The following PDE9A variants were observed in gnomAD, a reference collection of about 807,000 sequenced individuals.
The protein encoded by PDE9A is high affinity cGMP-specific 3',5'-cyclic phosphodiesterase 9A.
A neutral mutation model predicts 87.4 loss-of-function variants in PDE9A; 60 were observed. The ratio of observed to expected loss-of-function variants is 0.69; its 90% confidence interval spans 0.56 to 0.85. PDE9A has a LOEUF of 0.85. Among genes scored for constraint, PDE9A ranks in the 40% least tolerant of loss-of-function variants. The probability of loss-of-function intolerance (pLI) is 0.00; values close to 1 mark genes in which losing one functional copy is unlikely to be tolerated. For missense variants in PDE9A, 665 were observed against 779.0 expected (o/e 0.85, Z 1.74); for synonymous variants, 272 against 279.4 (o/e 0.97, Z 0.27).
At chr21:42,745,644 T>C (rs374415621) in intron 8 of PDE9A, among the ~76,000 whole-genome samples, 1 of 152,236 alleles carries the variant, frequency 6.6e-6, no homozygotes, top group African/African-American at 2.4e-5. Context: ...TCTACGTGGC[T>C]TGGTTCAGCC....
rs904399160 is a variant in PDE9A, at chr21:42,704,223, G to A, written c.262+5212G>A. Among the ~76,000 whole-genome samples, 4 of 152,180 alleles carry A rather than the reference G, an allele frequency of 2.6e-5. No homozygotes were observed. Among genetic ancestry groups the A allele is most frequent in the South Asian group, 4.1e-4 (2 of 4,830 alleles). On this transcript the variant is annotated intron_variant, in intron 4 of 19. Transcript: ENST00000291539. The surrounding 1 kb of genome is among the most constrained non-coding windows in gnomAD (Gnocchi z 5.3). ...AGCCGAGGAGCGCTGCGCTTATTCCGCAGTGAGGAGTCGCTGGCTGTCCAG... is the reference window on the plus strand; with the variant it reads ...AGCCGAGGAGCGCTGCGCTTATTCCACAGTGAGGAGTCGCTGGCTGTCCAG...
In PDE9A at chr21:42,772,441, A is replaced by G; in HGVS notation, c.1689A>G (p.Leu563=). The change falls in exon 19 of 20, where the codon TTA becomes TTG. Residue 563 remains leucine (L), a splice_region_variant and synonymous_variant. Transcript: ENST00000291539. ...LKRIDDAMKE[L]QKKTDSLTSG... ...GCCTTCTCTGTACTCTGTTCCAGTT[A>G]CAGAAGAAGACTGACAGCTTGACGT... is the stretch of plus-strand genomic sequence containing the variant. 1 of 1,606,472 alleles carries G rather than the reference A, an allele frequency of 6.2e-7. No individual in the cohort carries two copies. The highest frequency in any genetic ancestry group is 8.5e-7 in the Non-Finnish European group (1 of 1,175,762).
At chr21:42,682,535 C>T (rs944588367) in intron 1 of PDE9A, among the ~76,000 whole-genome samples, 1 of 152,180 alleles carries the variant, frequency 6.6e-6, no homozygotes, top group Non-Finnish European at 1.5e-5. Flanking sequence ...GAAGCAAAAG[C>T]CTCTGTTGTT....
rs1413842899 is a variant in PDE9A, at chr21:42,759,767, ATG to A, written c.898-555_898-554del. On this transcript the variant is annotated intron_variant, in intron 11 of 19. Transcript: ENST00000291539. The surrounding 1 kb of genome is among the most constrained non-coding windows in gnomAD (Gnocchi z 7.2). ...ATCTGTGGATGTGAGGTGTGTGTGCATGTGTGTATCTGGATGTGGGGGTGTGT... is the reference window on the plus strand; with the variant it reads ...ATCTGTGGATGTGAGGTGTGTGTGCATGTGTATCTGGATGTGGGGGTGTGT... Among the ~76,000 whole-genome samples the A allele has an allele frequency of 7.0e-6, 1 of 142,016 alleles. No individual in the cohort carries two copies. The highest frequency in any genetic ancestry group is 1.5e-5 in the Non-Finnish European group (1 of 65,562). The allele number at this position is 142,016 out of a possible 152,430, so 93.2% of individuals were successfully genotyped here.
At chr21:42,699,624 C>T (rs1339090487) in intron 4 of PDE9A, among the ~76,000 whole-genome samples, 2 of 151,712 alleles carry the variant, frequency 1.3e-5, no homozygotes, top group African/African-American at 2.4e-5. Flanking sequence ...GGCACGATCT[C>T]GGCTCACTGC....
chr21:42,751,459 T>G (rs1287961632), intron 9 of PDE9A, among the ~76,000 whole-genome samples: 1 of 152,060 alleles, frequency 6.6e-6, no homozygotes, highest in Non-Finnish European at 1.5e-5. Flanking sequence ...CCCCGGGAGC[T>G]GACCTGGGTA....
chr21:42,663,532 G>C lies in PDE9A; in HGVS notation c.69+9649G>C, dbSNP rs568128269. Reference sequence around the variant, plus strand: ...GAAGCCCCTTATCTCATTGCCCGATGTGATGAGGTTTGAAGTGGTTGAGCT... The same window carrying C: ...GAAGCCCCTTATCTCATTGCCCGATCTGATGAGGTTTGAAGTGGTTGAGCT... On this transcript the variant is annotated intron_variant, in intron 1 of 19. Coordinates refer to ENST00000291539, the MANE Select transcript of PDE9A (RefSeq NM_002606.3). 3.3e-5 allele frequency among the ~76,000 whole-genome samples: 5 copies of C among 152,346 alleles called. No individual in the cohort carries two copies. In the South Asian group the frequency reaches 1.0e-3, roughly 32 times the overall value.
At chr21:42,701,893 C>T (rs976347894) in intron 4 of PDE9A, among the ~76,000 whole-genome samples, 3 of 152,154 alleles carry the variant, frequency 2.0e-5, no homozygotes, top group African/African-American at 7.2e-5. Flanking sequence ...TGCAATGTGT[C>T]TTTTTCCCTC....
At chr21:42,668,243 C>A (rs2058141655) in intron 1 of PDE9A, among the ~76,000 whole-genome samples, 1 of 152,144 alleles carries the variant, frequency 6.6e-6, no homozygotes, top group African/African-American at 2.4e-5. Context: ...CCCCACCCTC[C>A]CCATTCCTGC....
intron 4 of PDE9A, among the ~76,000 whole-genome samples, chr21:42,728,518 C>T (rs1224587957): frequency 6.6e-6 from 1 of 152,176 alleles, no homozygotes; most frequent in Non-Finnish European, 1.5e-5. Context: ...AAATATTGAG[C>T]CAACCTTATA....
intron 19 of PDE9A, among the ~76,000 whole-genome samples, chr21:42,772,765 C>G (rs183741567): frequency 2.1e-3 from 326 of 151,888 alleles, no homozygotes; most frequent in African/African-American, 7.5e-3. Context: ...CCCTAAGTAG[C>G]TGGGATTACA....
intron 4 of PDE9A, among the ~76,000 whole-genome samples, chr21:42,712,662 C>G (rs1253981124): frequency 6.6e-6 from 1 of 152,126 alleles, no homozygotes; most frequent in Non-Finnish European, 1.5e-5. Flanking sequence ...TTTGTGGATG[C>G]CTTTCATAAG....
At chr21:42,732,028 C>T (rs71320554) in intron 5 of PDE9A, 42 bp from the exon 6 acceptor site, 77,191 of 1,613,046 alleles carry the variant, frequency 0.048, 2,248 homozygotes, top group Non-Finnish European at 0.06. Context: ...ACATCTTTTC[C>T]TCTTGTCCGT....
chr21:42,752,291 A>T (rs1346087756), intron 9 of PDE9A, among the ~76,000 whole-genome samples: 1 of 151,640 alleles, frequency 6.6e-6, no homozygotes, highest in Non-Finnish European at 1.5e-5. Flanking sequence ...TTTTCTTTTG[A>T]TACTGAGTCT....
Position 42,759,436 on chromosome 21 carries a change from G to T in PDE9A, c.897+351G>T, listed in dbSNP as rs1049571629. Among the ~76,000 whole-genome samples, 13 of 149,938 alleles carry T rather than the reference G, an allele frequency of 8.7e-5. No individual in the cohort carries two copies. The highest frequency in any genetic ancestry group is 4.6e-4 in the Admixed American group (7 of 15,076). On this transcript the variant is annotated intron_variant, in intron 11 of 19. Transcript: ENST00000291539. The surrounding 1 kb of genome is among the most constrained non-coding windows in gnomAD (Gnocchi z 7.2). ...GTGTGAGAGTGAGTATGGGGGTGTG[G>T]ATGTGAGTGTGTGTGAGTGTGGGGT...
Position 42,730,595 on chromosome 21 carries a change from A to G in PDE9A, c.263-1175A>G, listed in dbSNP as rs577603529. On this transcript the variant is annotated intron_variant, in intron 4 of 19. Coordinates refer to ENST00000291539, the MANE Select transcript of PDE9A (RefSeq NM_002606.3). ...TTTTATTTTGGAGTATACTCTCCCA[A>G]TATGTTTTCAAAAGCAGGATCACTC... Among the ~76,000 whole-genome samples the G allele has an allele frequency of 3.2e-4, 48 of 152,344 alleles. No individual in the cohort carries two copies. The East Asian group carries it at 6.6e-3, about 21-fold the overall frequency.
intron 4 of PDE9A, among the ~76,000 whole-genome samples, chr21:42,713,980 T>G (rs2146492590): frequency 6.6e-6 from 1 of 151,430 alleles, no homozygotes; most frequent in African/African-American, 2.4e-5. Flanking sequence ...TGTATCTAAT[T>G]TTTGTCAATT....
chr21:42,771,945 T>TCC (rs1409400515), intron 18 of PDE9A, among the ~76,000 whole-genome samples: 1 of 151,960 alleles, frequency 6.6e-6, no homozygotes, highest in African/African-American at 2.4e-5. Context: ...CAAGAAGGCT[T>TCC]CCCCCACTCC....
In PDE9A at chr21:42,694,017, G is replaced by A. The variant is rs1013546334; in HGVS notation, c.219-4951G>A. Among the ~76,000 whole-genome samples, 10 of 151,902 alleles carry A rather than the reference G, an allele frequency of 6.6e-5. No homozygotes were observed. Among genetic ancestry groups the A allele is most frequent in the African/African-American group, 9.7e-5 (4 of 41,324 alleles). ...CCAGCACACAGTCTGGGGACTAACC[G>A]CTGATATAAGGTCTGGAAAATCTAA... On this transcript the variant is annotated intron_variant, in intron 3 of 19. Transcript: ENST00000291539. This position sits in a 1 kb window ranked among gnomAD's most constrained non-coding sequence, Gnocchi z 5.3.
Sources: allele counts gnomAD v4.1 joint callset (sites outside exome capture counted in the v4.1 genomes callset), GRCh38; gene constraint gnomAD v4.1.1; non-coding constraint Gnocchi (gnomAD v3.1); transcripts MANE v1.5; gene names NCBI Gene and HGNC (gene_info 2026-07-23, HGNC 2026-07-21).